Variants in FSHR observed in about 807,000 individuals in gnomAD.
FSHR encodes follicle-stimulating hormone receptor.
A neutral mutation model predicts 52.1 loss-of-function variants in FSHR; 46 were observed. The observed-to-expected ratio is 0.88, with a 90% CI of 0.70 to 1.13. FSHR has a LOEUF of 1.13. FSHR is among the 50% of genes most tolerant of loss of function. FSHR has a pLI of 0.00. For synonymous variants in FSHR, 399 were observed against 309.6 expected (o/e 1.29, Z -3.03); for missense variants, 964 against 834.6 (o/e 1.16, Z -1.91).
chr2:48,978,263 A>G (rs1338268413), intron 8 of FSHR, among the ~76,000 whole-genome samples: 1 of 152,314 alleles, frequency 6.6e-6, no homozygotes, highest in Admixed American at 6.5e-5. Flanking sequence ...AACAATTTCT[A>G]TTTTTCCCAG....
chr2:49,029,579 C>A (rs1183797281), intron 2 of FSHR, among the ~76,000 whole-genome samples: 1 of 152,180 alleles, frequency 6.6e-6, no homozygotes, highest in Admixed American at 6.5e-5. Flanking sequence ...GGTCCTCTGT[C>A]CCTCAGTACA....
intron 4 of FSHR, among the ~76,000 whole-genome samples, chr2:48,994,430 A>G (rs1339849162): frequency 1.3e-5 from 2 of 152,158 alleles, no homozygotes; most frequent in Non-Finnish European, 2.9e-5. Flanking sequence ...AAGAAATCAC[A>G]CTGCAAAAAA....
chr2:49,123,155 G>A (rs1001977117), intron 1 of FSHR, among the ~76,000 whole-genome samples: 4 of 152,136 alleles, frequency 2.6e-5, no homozygotes, highest in African/African-American at 4.8e-5. Flanking sequence ...TATAAACTCT[G>A]TTTTAAAAGG....
At chr2:48,985,243 G>C (rs1675442433) in intron 6 of FSHR, among the ~76,000 whole-genome samples, 1 of 152,170 alleles carries the variant, frequency 6.6e-6, no homozygotes, top group African/African-American at 2.4e-5. Context: ...CTCAGCAGAG[G>C]CTCAGGAAGC....
At chr2:49,105,578 T>C (rs186960740) in intron 1 of FSHR, among the ~76,000 whole-genome samples, 178 of 152,308 alleles carry the variant, frequency 1.2e-3, no homozygotes, top group Non-Finnish European at 1.9e-3. Flanking sequence ...AAGTTTCTGC[T>C]TTCTCAGAAA....
At chr2:49,125,607 G>A (rs11688329) in intron 1 of FSHR, among the ~76,000 whole-genome samples, 22,697 of 152,194 alleles carry the variant, frequency 0.15, 1,706 homozygotes, top group Middle Eastern at 0.24. Flanking sequence ...CAATCAATAA[G>A]TATTTGTTGA....
chr2:49,134,948 G>A (rs527246461), intron 1 of FSHR, among the ~76,000 whole-genome samples: 2 of 152,268 alleles, frequency 1.3e-5, no homozygotes, highest in South Asian at 4.1e-4. Context: ...ATAGCATTGG[G>A]AGATATACCT....
chr2:49,153,631 T>C (rs1673138526), intron 1 of FSHR, among the ~76,000 whole-genome samples: 1 of 152,202 alleles, frequency 6.6e-6, no homozygotes, highest in African/African-American at 2.4e-5. Flanking sequence ...TTAAAATAGT[T>C]AAGTAAATTT....
chr2:48,989,645 C>A (rs904273004), intron 5 of FSHR, among the ~76,000 whole-genome samples: 6 of 152,162 alleles, frequency 3.9e-5, no homozygotes, highest in Non-Finnish European at 7.3e-5. Flanking sequence ...CTTAAGCTGA[C>A]CTTTCACCTC....
intron 4 of FSHR, among the ~76,000 whole-genome samples, chr2:49,001,814 G>A (rs574994230): frequency 1.3e-5 from 2 of 152,228 alleles, no homozygotes; most frequent in Non-Finnish European, 2.9e-5. Flanking sequence ...TGGAATGCAG[G>A]ATGAACTGGG....
chr2:49,102,405 A>T (rs1671062463), intron 1 of FSHR, among the ~76,000 whole-genome samples: 1 of 152,186 alleles, frequency 6.6e-6, no homozygotes, highest in South Asian at 2.1e-4. Context: ...GCCAAGAGGC[A>T]TGTGACAGCC....
intron 6 of FSHR, among the ~76,000 whole-genome samples, chr2:48,987,071 C>T (rs543884092): frequency 1.8e-4 from 28 of 152,206 alleles, no homozygotes; most frequent in African/African-American, 6.0e-4. Context: ...CATTTATCAC[C>T]AATCTCCCTC....
intron 4 of FSHR, among the ~76,000 whole-genome samples, chr2:49,010,670 G>C (rs1376204915): frequency 6.6e-6 from 1 of 150,898 alleles, no homozygotes; most frequent in Non-Finnish European, 1.5e-5. Flanking sequence ...GACTCTTTTT[G>C]GTTGGTAAGC....
intron 1 of FSHR, among the ~76,000 whole-genome samples, chr2:49,127,149 GAAACCCCGTCTCTACT>G (rs1558455839): frequency 6.6e-6 from 1 of 152,074 alleles, no homozygotes; most frequent in Non-Finnish European, 1.5e-5. Flanking sequence ...CCAACATGGC[GAAACCCCGTCTCTACT>G]AAAAATACAA....
chr2:49,020,244 T>A, intron 2 of FSHR, 84 bp from the exon 3 acceptor site: 1 of 1,172,450 alleles, frequency 8.5e-7, no homozygotes, highest in Non-Finnish European at 1.3e-6. Context: ...GCCTTGTGTC[T>A]GGGAGGATTC....
chr2:49,126,326 G>T (rs75865974), intron 1 of FSHR, among the ~76,000 whole-genome samples: 4 of 2,628 alleles, frequency 1.5e-3, no homozygotes, highest in African/African-American at 5.4e-3. Context: ...AAAGGAAGAG[G>T]GGGGGAGAGA....
chr2:48,964,695 C>A (rs1439854000), intron 9 of FSHR, among the ~76,000 whole-genome samples: 3 of 152,138 alleles, frequency 2.0e-5, no homozygotes, highest in Non-Finnish European at 4.4e-5. Flanking sequence ...CTAATTTATT[C>A]TAAGAATGGA....
At chr2:49,064,658 G>C (rs1196249598) in intron 2 of FSHR, among the ~76,000 whole-genome samples, 1 of 152,122 alleles carries the variant, frequency 6.6e-6, no homozygotes. Context: ...TGGAGAAAGA[G>C]ATGGGTGGAT....
Position 49,151,204 on chromosome 2 carries a change from G to C in FSHR, c.152+3062C>G, listed in dbSNP as rs560728122. 3.0e-4 allele frequency among the ~76,000 whole-genome samples: 44 copies of C among 149,016 alleles called. 1 individual carries two copies. Among genetic ancestry groups the C allele is most frequent in the South Asian group, 1.3e-3 (6 of 4,724 alleles). On this transcript the variant is annotated intron_variant, in intron 1 of 9. Transcript: ENST00000406846. Reference sequence around the variant, plus strand: ...AGTCAGATGATGTTCATTTCACATGGCATGCAGAGGAGATATAAAAGATTC... The same window carrying C: ...AGTCAGATGATGTTCATTTCACATGCCATGCAGAGGAGATATAAAAGATTC...
Sources: gnomAD v4.1 joint callset for allele counts (sites outside exome capture counted in the v4.1 genomes callset) on GRCh38, gnomAD v4.1.1 for gene constraint, MANE v1.5 for transcripts, NCBI Gene and HGNC (gene_info 2026-07-23, HGNC 2026-07-21) for gene names.